Variants in CYRIA observed in about 807,000 individuals in gnomAD.
CYRIA encodes the protein CYFIP-related Rac1 interactor A.
Under a neutral mutation model 43.9 loss-of-function variants are expected in CYRIA, and 15 were observed. The observed-to-expected ratio is 0.34, with a 90% CI of 0.23 to 0.53. The LOEUF (loss-of-function observed/expected upper bound fraction) is 0.53, where lower values mean the gene tolerates loss of function less well. Ranked by LOEUF, CYRIA falls within the 20% of genes least tolerant of loss-of-function variation. CYRIA has a pLI of 0.94. For synonymous variants in CYRIA, 117 were observed against 136.0 expected (o/e 0.86, Z 0.97); for missense variants, 236 against 394.2 (o/e 0.60, Z 3.40).
At chr2:16,634,698 G>T (rs1326154552) in intron 1 of CYRIA, among the ~76,000 whole-genome samples, 2 of 152,196 alleles carry the variant, frequency 1.3e-5, no homozygotes, top group African/African-American at 2.4e-5. Context: ...GTCCAGAGGA[G>T]AGCAAGACTA....
At chr2:16,556,932 G>A (rs914390452) in intron 10 of CYRIA, among the ~76,000 whole-genome samples, 14 of 152,040 alleles carry the variant, frequency 9.2e-5, no homozygotes, top group Non-Finnish European at 1.8e-4. Flanking sequence ...TACCTGAGAC[G>A]GGAACCCAGG....
chr2:16,573,894 C>G (rs113276100), intron 3 of CYRIA, among the ~76,000 whole-genome samples: 1 of 152,094 alleles, frequency 6.6e-6, no homozygotes, highest in East Asian at 1.9e-4. Flanking sequence ...TGAACTAATA[C>G]GGTAAATTGG....
At chr2:16,589,588 G>A (rs1209179144) in intron 2 of CYRIA, among the ~76,000 whole-genome samples, 1 of 152,042 alleles carries the variant, frequency 6.6e-6, no homozygotes. Context: ...TTCCTCATCT[G>A]TAAAATTAAC....
At chr2:16,622,468 T>C (rs1334024004) in intron 2 of CYRIA, among the ~76,000 whole-genome samples, 2 of 152,164 alleles carry the variant, frequency 1.3e-5, no homozygotes, top group African/African-American at 4.8e-5. Flanking sequence ...AAGGCTCAAA[T>C]GAAATCCAGA....
At chr2:16,581,319 C>T (rs2103446575) in intron 3 of CYRIA, among the ~76,000 whole-genome samples, 1 of 152,216 alleles carries the variant, frequency 6.6e-6, no homozygotes, top group African/African-American at 2.4e-5. Flanking sequence ...AATAGATAAG[C>T]AACTATACAA....
Position 16,560,989 on chromosome 2 carries a change from C to T in CYRIA, c.710+1G>A. 4 of 1,613,314 alleles carry T rather than the reference C, an allele frequency of 2.5e-6. No homozygotes were observed. The highest frequency in any genetic ancestry group is 3.4e-6 in the Non-Finnish European group (4 of 1,179,368). On this transcript the variant is annotated splice_donor_variant, in intron 9 of 11. Coordinates refer to ENST00000381323, the MANE Select transcript of CYRIA (RefSeq NM_030797.4). LOFTEE classifies it high-confidence loss of function. Reference sequence around the variant, plus strand: ...ACGAATACATCTCTGATTTAACTTACGGAGTTTCCAGCATGACTTTACAGA... The same window carrying T: ...ACGAATACATCTCTGATTTAACTTATGGAGTTTCCAGCATGACTTTACAGA...
chr2:16,561,896 C>T, intron 6 of CYRIA, 109 bp downstream of exon 6: 1 of 1,030,016 alleles, frequency 9.7e-7, no homozygotes, highest in Non-Finnish European at 1.4e-6. Flanking sequence ...GAAGGAATTA[C>T]ATCTTACTCA....
chr2:16,587,728 G>A (rs1667784148), intron 3 of CYRIA, among the ~76,000 whole-genome samples: 1 of 151,966 alleles, frequency 6.6e-6, no homozygotes, highest in Non-Finnish European at 1.5e-5. Flanking sequence ...ACAGTGAATA[G>A]GAGTTTCACG....
chr2:16,664,273 G>C (rs1670336496), intron 1 of CYRIA, among the ~76,000 whole-genome samples: 3 of 152,102 alleles, frequency 2.0e-5, no homozygotes, highest in Non-Finnish European at 4.4e-5. Flanking sequence ...CAGGAACCCA[G>C]GGCCAGCAGG....
chr2:16,553,374 G>T (rs1666385988), intron 11 of CYRIA, among the ~76,000 whole-genome samples: 1 of 152,114 alleles, frequency 6.6e-6, no homozygotes, highest in Non-Finnish European at 1.5e-5. Flanking sequence ...GAACTGGAAT[G>T]TTTATGGTTC....
At chr2:16,565,583 G>C in intron 4 of CYRIA, 63 bp downstream of exon 4, 1 of 1,477,412 alleles carries the variant, frequency 6.8e-7, no homozygotes, top group Non-Finnish European at 9.1e-7. Context: ...GTGTGTCTGT[G>C]TGCATGTGTG....
chr2:16,579,496 C>G (rs981776733), intron 3 of CYRIA, among the ~76,000 whole-genome samples: 1 of 151,624 alleles, frequency 6.6e-6, no homozygotes, highest in African/African-American at 2.4e-5. Flanking sequence ...AATAAAAAAA[C>G]ACATTTCATT....
chr2:16,635,879 T>C (rs952204896), intron 1 of CYRIA, among the ~76,000 whole-genome samples: 1 of 152,228 alleles, frequency 6.6e-6, no homozygotes, highest in African/African-American at 2.4e-5. Flanking sequence ...AGCCACTTTT[T>C]AAAGACAATC....
At chr2:16,665,095 C>G (rs1395245560) in intron 1 of CYRIA, among the ~76,000 whole-genome samples, 1 of 152,202 alleles carries the variant, frequency 6.6e-6, no homozygotes, top group Non-Finnish European at 1.5e-5. Context: ...CAGAGAATGT[C>G]TCCTGGCAGA....
At chr2:16,581,514 T>A (rs1667548086) in intron 3 of CYRIA, among the ~76,000 whole-genome samples, 1 of 152,014 alleles carries the variant, frequency 6.6e-6, no homozygotes, top group South Asian at 2.1e-4. Flanking sequence ...AAATAGCACA[T>A]CTCATTTGGA....
At chr2:16,558,452 T>G (rs1218846960) in intron 10 of CYRIA, among the ~76,000 whole-genome samples, 1 of 152,130 alleles carries the variant, frequency 6.6e-6, no homozygotes, top group Non-Finnish European at 1.5e-5. Context: ...TGCAGATGAG[T>G]GAACACAGTG....
At chr2:16,576,579 TCCTGGAGCACAGGTC>T (rs1667354324) in intron 3 of CYRIA, among the ~76,000 whole-genome samples, 1 of 152,218 alleles carries the variant, frequency 6.6e-6, no homozygotes. Flanking sequence ...CTCCTATGAA[TCCTGGAGCACAGGTC>T]GTGTCCCTGC....
rs1666230950 is a variant in CYRIA, at chr2:16,549,833, C to T, written c.*3103G>A. On this transcript the variant is annotated 3_prime_UTR_variant, in exon 12 of 12. Transcript: ENST00000381323. ...CTTAAATGTGATGATGCATCAGTAA[C>T]CTCAGTTTACCATTAAGGTCTTAAT... 1 of 152,070 alleles carries T rather than the reference C, an allele frequency of 6.6e-6. No individual in the cohort carries two copies. The highest frequency in any genetic ancestry group is 6.6e-5 in the Admixed American group (1 of 15,248). 9.4% of individuals were successfully genotyped at this position (152,070 alleles called of 1,614,324 possible).
intron 1 of CYRIA, among the ~76,000 whole-genome samples, chr2:16,643,303 C>T (rs916074899): frequency 2.0e-5 from 3 of 152,032 alleles, no homozygotes; most frequent in African/African-American, 7.3e-5. Flanking sequence ...GGCATTGAGC[C>T]ACAGAGAAAG....
Sources: allele counts gnomAD v4.1 joint callset (sites outside exome capture counted in the v4.1 genomes callset), GRCh38; gene constraint gnomAD v4.1.1; transcripts MANE v1.5; gene names NCBI Gene and HGNC (gene_info 2026-07-23, HGNC 2026-07-21).